The following BSPRY variants were observed in gnomAD, a reference collection of about 807,000 sequenced individuals.
BSPRY encodes the protein B-box and SPRY domain containing.
A neutral mutation model predicts 38.0 loss-of-function variants in BSPRY; 33 were observed. That is an observed-to-expected ratio of 0.87 (90% CI 0.66 to 1.16). The LOEUF (loss-of-function observed/expected upper bound fraction) is 1.16, where lower values mean the gene tolerates loss of function less well. Ranked by LOEUF, BSPRY falls within the 50% of genes most tolerant of loss-of-function variation. The probability of loss-of-function intolerance (pLI) is 0.00; values close to 1 mark genes in which losing one functional copy is unlikely to be tolerated. For missense variants in BSPRY, 523 were observed against 533.2 expected, an observed-to-expected ratio of 0.98 and a Z score of 0.19; for synonymous variants, 224 against 228.5, an observed-to-expected ratio of 0.98 and a Z score of 0.18.
At chr9:113,358,332 G>A (rs1227145977) in intron 2 of BSPRY, among the ~76,000 whole-genome samples, 3 of 151,462 alleles carry the variant, frequency 2.0e-5, no homozygotes, top group Non-Finnish European at 2.9e-5. Flanking sequence ...GCAGTGGTGC[G>A]ATCTCAGCTC....
At chr9:113,353,258 C>T (rs1384097803) in intron 1 of BSPRY, among the ~76,000 whole-genome samples, 1 of 152,042 alleles carries the variant, frequency 6.6e-6, no homozygotes, top group Non-Finnish European at 1.5e-5. Flanking sequence ...TGTGGTGGCA[C>T]GTGCCTGTAG....
intron 4 of BSPRY, among the ~76,000 whole-genome samples, chr9:113,364,364 G>A (rs1834210014): frequency 2.0e-5 from 3 of 152,064 alleles, no homozygotes; most frequent in Admixed American, 2.0e-4. Context: ...GTCTCCTAAC[G>A]CATGCTTGGC....
chr9:113,370,689 A>AT lies in BSPRY; in HGVS notation c.*548dup, dbSNP rs1834334779. Reference sequence around the variant, plus strand: ...AGTGGATGGATAGATGGATAGGTGAATGTAGGTGGACAGGTGACTGGGTGG... The same window carrying AT: ...AGTGGATGGATAGATGGATAGGTGAATTGTAGGTGGACAGGTGACTGGGTGG... On this transcript the variant is annotated 3_prime_UTR_variant, in exon 6 of 6. Coordinates refer to ENST00000374183, the MANE Select transcript of BSPRY (RefSeq NM_017688.3). The surrounding 1 kb of genome is among the most constrained non-coding windows in gnomAD (Gnocchi z 4.8). The AT allele has an allele frequency of 6.6e-6, 1 of 152,244 alleles. No homozygotes were observed. The highest frequency in any genetic ancestry group is 1.5e-5 in the Non-Finnish European group (1 of 68,112). The allele number at this position is 152,244 out of a possible 1,614,324, so 9.4% of individuals were successfully genotyped here.
At position 113,369,922 on chromosome 9, in the gene BSPRY, A is replaced by G. The variant is rs1254465414; in HGVS notation, c.989A>G (p.Tyr330Cys). 6.2e-7 allele frequency: 1 copy of G among 1,614,048 alleles called. No homozygotes were observed. Among genetic ancestry groups the G allele is most frequent in the Non-Finnish European group, 8.5e-7 (1 of 1,180,020 alleles). Residue 330 changes from tyrosine (Y) to cysteine (C), a missense_variant, in exon 6 of 6, where the codon TAT (tyrosine) becomes TGT (cysteine). Physicochemically the swap from Tyr to Cys is radical, Grantham distance 194 (BLOSUM62 -2). Transcript: ENST00000374183. The stretch of plus-strand genomic sequence containing the variant: ...GCCTTCTCCTGGGTCTTCTCTCGCT[A>G]TGATCAGGAGTTTCGTTTCTCACAC... ...HNAFSWVFSR[Y>C]DQEFRFSHNG...
rs1359584974 is a variant in BSPRY, at chr9:113,349,565, G to C, written c.-15G>C. 2 of 1,142,878 alleles carry C rather than the reference G, an allele frequency of 1.7e-6. No individual in the cohort carries two copies. Among genetic ancestry groups the C allele is most frequent in the Admixed American group, 9.7e-5 (2 of 20,610 alleles). 70.8% of individuals were successfully genotyped at this position (1,142,878 alleles called of 1,614,324 possible). A position where few individuals can be genotyped will look rare whatever the true frequency, so the allele number is the denominator to read the frequency against. ...CACCTGCGACAGGTGGAGCGCACGG[G>C]GCGGGCGCACGGCCATGTCCGCCGA... On this transcript the variant is annotated 5_prime_UTR_variant, in exon 1 of 6. Transcript: ENST00000374183.
At position 113,369,960 on chromosome 9, in the gene BSPRY, G is replaced by C. The variant is rs750043869; in HGVS notation, c.1027G>C (p.Glu343Gln). The change falls in exon 6 of 6, where the codon GAG becomes CAG. Residue 343 changes from glutamate (E) to glutamine (Q), a missense_variant. Glu to Gln is a conservative substitution (Grantham distance 29). Transcript: ENST00000374183. ...EFRFSHNGQH[E>Q]PLGLLRGPAQ... is the part of the protein sequence containing the mutation. ...TCGTTTCTCACACAATGGGCAGCAC[G>C]AGCCCCTGGGGCTGCTGCGGGGCCC... 1.2e-6 allele frequency: 2 copies of C among 1,614,138 alleles called. No individual in the cohort carries two copies. The highest frequency in any genetic ancestry group is 1.7e-6 in the Non-Finnish European group (2 of 1,180,032).
At chr9:113,368,983 G>C (rs10981778) in intron 5 of BSPRY, among the ~76,000 whole-genome samples, 1 of 142,420 alleles carries the variant, frequency 7.0e-6, no homozygotes, top group Non-Finnish European at 1.5e-5. Flanking sequence ...TAGGTTAATA[G>C]ACTGATTTTT....
rs59328879 is a variant in BSPRY, at chr9:113,357,886, CTATATATATATATATA to C, written c.301-2579_301-2564del. Among the ~76,000 whole-genome samples, 833 of 96,732 alleles carry C rather than the reference CTATATATATATATATA, an allele frequency of 8.6e-3. 18 individuals are homozygous for C. Among genetic ancestry groups the C allele is most frequent in the African/African-American group, 0.017 (401 of 23,256 alleles). 63.5% of individuals were successfully genotyped at this position (96,732 alleles called of 152,430 possible). On this transcript the variant is annotated intron_variant, in intron 2 of 5. Coordinates refer to ENST00000374183, the MANE Select transcript of BSPRY (RefSeq NM_017688.3). Reference sequence around the variant, plus strand: ...GGTACTGTGCCTGGCCTGTAGAGTTCTATATATATATATATATATATATATATATATATATATATAT... The same window carrying C: ...GGTACTGTGCCTGGCCTGTAGAGTTCTATATATATATATATATATATATAT...
chr9:113,349,779 G>C lies in BSPRY; in HGVS notation c.200G>C (p.Arg67Pro). 1 of 1,231,700 alleles carries C rather than the reference G, an allele frequency of 8.1e-7. No homozygotes were observed. The highest frequency in any genetic ancestry group is 3.5e-5 in the South Asian group (1 of 28,688). 76.3% of individuals were successfully genotyped at this position (1,231,700 alleles called of 1,614,324 possible). A position where few individuals can be genotyped will look rare whatever the true frequency, so the allele number is the denominator to read the frequency against. Residue 67 changes from arginine (R) to proline (P), a missense_variant and splice_region_variant, in exon 1 of 6, where the codon CGG (arginine) becomes CCG (proline). Physicochemically the swap from Arg to Pro is moderately radical, Grantham distance 103 (BLOSUM62 -2). Coordinates refer to ENST00000374183, the MANE Select transcript of BSPRY (RefSeq NM_017688.3). ...GCGGAGGAGCGCGCCGAGGAGCTGC[G>C]GGTGAGCGGGTGTGGGCGCCGGAAG... ...RRAEERAEELRNKIVDQCERL... is the reference protein window; with the variant it reads ...RRAEERAEELPNKIVDQCERL...
chr9:113,365,748 A>AGAGT (rs941186367), intron 4 of BSPRY, among the ~76,000 whole-genome samples: 17 of 139,132 alleles, frequency 1.2e-4, no homozygotes, highest in Admixed American at 9.8e-4. Flanking sequence ...AGAGAGAGAG[A>AGAGT]GAGTGTGTGT....
chr9:113,360,049 T>C (rs1297854535), intron 2 of BSPRY, among the ~76,000 whole-genome samples: 1 of 152,176 alleles, frequency 6.6e-6, no homozygotes, highest in Non-Finnish European at 1.5e-5. Flanking sequence ...TGGACAGTTT[T>C]AGGAAGTCAT....
chr9:113,362,271 G>C, intron 3 of BSPRY, 98 bp from the exon 4 acceptor site: 1 of 1,286,504 alleles, frequency 7.8e-7, no homozygotes, highest in Non-Finnish European at 1.1e-6. Flanking sequence ...TTATTCTAGA[G>C]TCCACATGGA....
At chr9:113,351,816 T>A (rs1833976849) in intron 1 of BSPRY, among the ~76,000 whole-genome samples, 1 of 152,128 alleles carries the variant, frequency 6.6e-6, no homozygotes, top group Non-Finnish European at 1.5e-5. Context: ...TATATTTATT[T>A]ATTTTTGAGA....
intron 2 of BSPRY, among the ~76,000 whole-genome samples, chr9:113,355,276 C>T (rs1260098877): frequency 6.6e-6 from 1 of 152,212 alleles, no homozygotes; most frequent in Non-Finnish European, 1.5e-5. Flanking sequence ...CCTCCTTTCC[C>T]TATAGTACAC....
rs62636612 is a variant in BSPRY at position 113,370,050 on chromosome 9, G to C, written c.1117G>C (p.Gly373Arg). The change falls in exon 6 of 6, where the codon GGC (glycine) becomes CGC (arginine). Residue 373 changes from glycine to arginine, a missense_variant. Transcript: ENST00000374183. This position sits in a 1 kb window ranked among gnomAD's most constrained non-coding sequence, Gnocchi z 4.8. ...QELLFYEPASGTVLCAHHVSF... is the reference protein window; with the variant it reads ...QELLFYEPASRTVLCAHHVSF... ...GCTGCTCTTCTATGAGCCAGCCTCCGGCACAGTGCTCTGTGCCCATCATGT... is the reference window on the plus strand; with the variant it reads ...GCTGCTCTTCTATGAGCCAGCCTCCCGCACAGTGCTCTGTGCCCATCATGT... The C allele has an allele frequency of 6.2e-7, 1 of 1,614,080 alleles. No homozygotes were observed. Among genetic ancestry groups the C allele is most frequent in the East Asian group, 2.2e-5 (1 of 44,878 alleles).
chr9:113,366,450 G>C (rs1834253859), intron 4 of BSPRY, among the ~76,000 whole-genome samples: 1 of 152,154 alleles, frequency 6.6e-6, no homozygotes, highest in African/African-American at 2.4e-5. Flanking sequence ...CACGCTTGTA[G>C]CTGGGCTCAA....
chr9:113,354,333 GC>G lies in BSPRY; in HGVS notation c.296del (p.Ala99GlufsTer2). The G allele has an allele frequency of 6.2e-7, 1 of 1,613,732 alleles. No homozygotes were observed. Among genetic ancestry groups the G allele is most frequent in the Non-Finnish European group, 8.5e-7 (1 of 1,179,606 alleles). On this transcript the variant is annotated frameshift_variant, in exon 2 of 6. Transcript: ENST00000374183. LOFTEE classifies it high-confidence loss of function. ...CGTCCTGCCGGGGAAGAATCAAAGA[GC>G]AGTGGTAATTCCTCTTCTTTCCTCT... ...ADVLPGKNQRAVSMASAAREL... is the reference protein window; with the variant it reads ...ADVLPGKNQRXVSMASAAREL...
chr9:113,351,476 A>T (rs1748457449), intron 1 of BSPRY, among the ~76,000 whole-genome samples: 1 of 152,214 alleles, frequency 6.6e-6, no homozygotes, highest in African/African-American at 2.4e-5. Flanking sequence ...TCCATGGTGC[A>T]TGGTGATCAC....
chr9:113,353,473 C>T (rs765279116), intron 1 of BSPRY, among the ~76,000 whole-genome samples: 2 of 152,086 alleles, frequency 1.3e-5, no homozygotes, highest in Non-Finnish European at 2.9e-5. Context: ...GAGGTCAGGG[C>T]GGGCAGATCA....
Sources: gnomAD v4.1 joint callset for allele counts (sites outside exome capture counted in the v4.1 genomes callset) on GRCh38, gnomAD v4.1.1 for gene constraint, Gnocchi (gnomAD v3.1) non-coding constraint, MANE v1.5 for transcripts, NCBI Gene and HGNC (gene_info 2026-07-23, HGNC 2026-07-21) for gene names.